The following RYR2 variants were observed in gnomAD, a reference collection of about 807,000 sequenced individuals.
The protein encoded by RYR2 is ryanodine receptor 2, also known as cardiac muscle ryanodine receptor-calcium release channel.
A neutral mutation model predicts 601.1 loss-of-function variants in RYR2; 227 were observed. The ratio of observed to expected loss-of-function variants is 0.38; its 90% CI spans 0.34 to 0.42. The LOEUF is 0.42. Among genes scored for constraint, RYR2 ranks in the 10% least tolerant of loss-of-function variants. RYR2 has a pLI of 1.00. For synonymous variants in RYR2, 2,223 were observed against 2,175.1 expected (o/e 1.02, Z -0.61); for missense variants, 4,646 against 6,156.5 (o/e 0.75, Z 8.21).
intron 29 of RYR2, among the ~76,000 whole-genome samples, chr1:237,579,900 C>G (rs1417882606): frequency 6.6e-6 from 1 of 152,010 alleles, no homozygotes; most frequent in Non-Finnish European, 1.5e-5. Context: ...AAAACAAAAC[C>G]AGCAACAATA....
chr1:237,226,019 C>G (rs1424262672), intron 1 of RYR2, among the ~76,000 whole-genome samples: 1 of 150,360 alleles, frequency 6.7e-6, no homozygotes, highest in Non-Finnish European at 1.5e-5. Context: ...TGTGCCACTG[C>G]ACTCCAGCCT....
intron 58 of RYR2, among the ~76,000 whole-genome samples, chr1:237,669,618 G>GTT (rs1684696245): frequency 6.6e-6 from 1 of 151,910 alleles, no homozygotes; most frequent in African/African-American, 2.4e-5. Context: ...CAGACGGGGC[G>GTT]GCCGGGCAGA....
chr1:237,674,280 C>T, intron 59 of RYR2, 61 bp downstream of exon 59: 1 of 1,274,220 alleles, frequency 7.8e-7, no homozygotes, highest in Non-Finnish European at 1.1e-6. Context: ...TTAAATATCT[C>T]CATCATATTT....
intron 1 of RYR2, among the ~76,000 whole-genome samples, chr1:237,118,889 CT>C (rs1048856178): frequency 1.0e-4 from 15 of 148,488 alleles, no homozygotes; most frequent in South Asian, 4.3e-4. Context: ...ACTACTTAGT[CT>C]TTTTTTTTTA....
chr1:237,475,248 T>C (rs1661273652), intron 17 of RYR2, among the ~76,000 whole-genome samples: 1 of 152,198 alleles, frequency 6.6e-6, no homozygotes, highest in African/African-American at 2.4e-5. Context: ...CACCCCACTG[T>C]GTTCTCTAAA....
At chr1:237,533,648 T>A (rs908987264) in intron 25 of RYR2, among the ~76,000 whole-genome samples, 34 of 152,070 alleles carry the variant, frequency 2.2e-4, no homozygotes, top group African/African-American at 7.2e-4. Flanking sequence ...GGTGATGCAA[T>A]GTAAAACCAT....
Position 237,590,961 on chromosome 1 carries a change from G to A in RYR2, c.4129G>A (p.Ala1377Thr). The A allele has an allele frequency of 6.2e-7, 1 of 1,613,102 alleles. No individual in the cohort carries two copies. Among genetic ancestry groups the A allele is most frequent in the Non-Finnish European group, 8.5e-7 (1 of 1,179,426 alleles). ...AGAGTTTAACAACCACAAAGATTAT[G>A]CCCAGGAAAAGCCCTCTCGTCTGAA... ...KPEFNNHKDY[A>T]QEKPSRLKQR... is the part of the protein sequence containing the mutation. Residue 1377 changes from alanine (A) to threonine (T), a missense_variant, in exon 31 of 105, where the codon GCC becomes ACC. Ala to Thr is a moderately conservative substitution (Grantham distance 58). This residue lies in a region of RYR2 where 1,807 missense variants were observed against 2,088.1 expected (regional missense o/e 0.87). Transcript: ENST00000366574.
At position 237,651,808 on chromosome 1, in the gene RYR2, T is replaced by C. The variant is rs528009330; in HGVS notation, c.7824+307T>C. 9.8e-4 allele frequency among the ~76,000 whole-genome samples: 149 copies of C among 151,766 alleles called. 1 individual carries two copies. Among genetic ancestry groups the C allele is most frequent in the Admixed American group, 4.2e-3 (64 of 15,234 alleles). On this transcript the variant is annotated intron_variant, in intron 51 of 104. Coordinates refer to ENST00000366574, the MANE Select transcript of RYR2 (RefSeq NM_001035.3). ...ATCCCAGCACTTTGGGAGGCCAAGG[T>C]GGGCGGATCACGAGGTTAGGAGATC... is the stretch of plus-strand genomic sequence containing the variant.
Position 237,634,951 on chromosome 1 carries a change from AATG to A in RYR2, c.6753_6755del (p.Asn2251_Glu2252delinsLys), listed in dbSNP as rs1229004962. On this transcript the variant is annotated inframe_deletion, in exon 44 of 105. Coordinates refer to ENST00000366574, the MANE Select transcript of RYR2 (RefSeq NM_001035.3). ...GGCTGCAGCTTCGGTGATGGATAAT[AATG>A]AACTAGCATTAGCTCTGCGTGAGCC... is the stretch of plus-strand genomic sequence containing the variant. 6.2e-7 allele frequency: 1 copy of A among 1,609,312 alleles called. No individual in the cohort carries two copies. Among genetic ancestry groups the A allele is most frequent in the Admixed American group, 1.7e-5 (1 of 59,534 alleles).
intron 58 of RYR2, among the ~76,000 whole-genome samples, chr1:237,668,370 C>G (rs570487312): frequency 6.6e-6 from 1 of 152,070 alleles, no homozygotes; most frequent in East Asian, 1.9e-4. Flanking sequence ...GCACTTTTCC[C>G]GTTTTTTTAT....
At chr1:237,412,424 G>C (rs1038072786) in intron 10 of RYR2, among the ~76,000 whole-genome samples, 23 of 152,096 alleles carry the variant, frequency 1.5e-4, no homozygotes, top group African/African-American at 5.3e-4. Context: ...ATTTTTCAAA[G>C]TACTGTTGAA....
chr1:237,419,314 T>C (rs1422695793), intron 11 of RYR2, among the ~76,000 whole-genome samples: 1 of 152,032 alleles, frequency 6.6e-6, no homozygotes, highest in African/African-American at 2.4e-5. Context: ...AAAAAAAACA[T>C]GAAAGCTTCT....
intron 5 of RYR2, among the ~76,000 whole-genome samples, chr1:237,367,572 T>C (rs28535193): frequency 0.33 from 50,227 of 151,876 alleles, 8,627 homozygotes; most frequent in East Asian, 0.42. Flanking sequence ...TATTAAAGCA[T>C]CTTTCTGTAC....
At chr1:237,298,387 T>C (rs1285044439) in intron 2 of RYR2, among the ~76,000 whole-genome samples, 1 of 152,168 alleles carries the variant, frequency 6.6e-6, no homozygotes, top group African/African-American at 2.4e-5. Flanking sequence ...AGCATATAGA[T>C]TTTTAAAATC....
At position 237,227,723 on chromosome 1, in the gene RYR2, C is replaced by T. The variant is rs553159636; in HGVS notation, c.49-42774C>T. On this transcript the variant is annotated intron_variant, in intron 1 of 104. Transcript: ENST00000366574. ...GTGAGCGTGCCCTGTGATGGGACGG[C>T]GGCCTGCCCAGGGCGGGTTCTTGCC... is the stretch of plus-strand genomic sequence containing the variant. Among the ~76,000 whole-genome samples, 5 of 152,226 alleles carry T rather than the reference C, an allele frequency of 3.3e-5. No individual in the cohort carries two copies. The East Asian group carries it at 9.7e-4, about 29-fold the overall frequency.
At chr1:237,055,210 C>A (rs912031698) in intron 1 of RYR2, among the ~76,000 whole-genome samples, 1 of 152,060 alleles carries the variant, frequency 6.6e-6, no homozygotes, top group African/African-American at 2.4e-5. Context: ...AGATGACGGG[C>A]GAGTACTGCT....
At chr1:237,800,637 T>G (rs1659851130) in intron 97 of RYR2, among the ~76,000 whole-genome samples, 1 of 152,240 alleles carries the variant, frequency 6.6e-6, no homozygotes, top group African/African-American at 2.4e-5. Context: ...TATGTTATAT[T>G]GCATTATTTC....
chr1:237,576,589 T>A (rs2148333690), intron 29 of RYR2, among the ~76,000 whole-genome samples: 1 of 152,212 alleles, frequency 6.6e-6, no homozygotes, highest in East Asian at 1.9e-4. Context: ...GAACTCCAAA[T>A]GGTCTTAAAT....
rs527796166 is a variant in RYR2, at chr1:237,563,546, TATC to T, written c.3215-3016_3215-3014del. Among the ~76,000 whole-genome samples, 32 of 151,954 alleles carry T rather than the reference TATC, an allele frequency of 2.1e-4. No individual in the cohort carries two copies. In the South Asian group the frequency reaches 6.4e-3, roughly 31 times the overall value. On this transcript the variant is annotated intron_variant, in intron 27 of 104. Transcript: ENST00000366574. The stretch of plus-strand genomic sequence containing the variant: ...ATGTTTGTTTCAAATTCAGGTTAAG[TATC>T]ATCAATGAGCATAAGAATAGCATAG...
Sources: allele counts gnomAD v4.1 joint callset (sites outside exome capture counted in the v4.1 genomes callset), GRCh38; gene constraint gnomAD v4.1.1; regional missense constraint gnomAD v4.1.1; transcripts MANE v1.5; gene names NCBI Gene and HGNC (gene_info 2026-07-23, HGNC 2026-07-21).